ASS1: variants seen among roughly 807,000 people sequenced by gnomAD.
ASS1 encodes argininosuccinate synthase 1, also known as argininosuccinate synthase.
A neutral mutation model predicts 60.5 loss-of-function variants in ASS1; 58 were observed. That is an observed-to-expected ratio of 0.96 (90% CI 0.78 to 1.19). The LOEUF (loss-of-function observed/expected upper bound fraction) is 1.19. Among genes scored for constraint, ASS1 ranks in the 50% most tolerant of loss-of-function variants. ASS1 has a pLI of 0.00. For synonymous variants in ASS1, 200 were observed against 206.9 expected (o/e 0.97, Z 0.29); for missense variants, 454 against 547.3 (o/e 0.83, Z 1.70).
rs1034552658 is a variant in ASS1 at position 130,494,452 on chromosome 9, A to G, written c.971-415A>G. Among the ~76,000 whole-genome samples the G allele has an allele frequency of 6.6e-6, 1 of 152,234 alleles. No homozygotes were observed. The highest frequency in any genetic ancestry group is 1.5e-5 in the Non-Finnish European group (1 of 68,034). On this transcript the variant is annotated intron_variant, in intron 12 of 14. Coordinates refer to ENST00000352480, the MANE Select transcript of ASS1 (RefSeq NM_054012.4). The surrounding 1 kb of genome is among the most constrained non-coding windows in gnomAD (Gnocchi z 4.3). ...ACACCCATATCACCAAGCCCCAGGCAGCATGTGCCTCTGAGTCCTGTCTGA... is the reference window on the plus strand; with the variant it reads ...ACACCCATATCACCAAGCCCCAGGCGGCATGTGCCTCTGAGTCCTGTCTGA...
At chr9:130,446,866 CAG>C (rs746751090) in intron 1 of ASS1, among the ~76,000 whole-genome samples, 2 of 152,204 alleles carry the variant, frequency 1.3e-5, no homozygotes, top group Non-Finnish European at 1.5e-5. Context: ...CGCTGGAATT[CAG>C]AGTCTAAGGC....
chr9:130,482,326 G>C (rs1056167613), intron 11 of ASS1, among the ~76,000 whole-genome samples: 1 of 151,430 alleles, frequency 6.6e-6, no homozygotes, highest in Non-Finnish European at 1.5e-5. Flanking sequence ...TCAGTGTGGC[G>C]GGGGGTGGGG....
chr9:130,474,596 C>A (rs938495353), intron 8 of ASS1, among the ~76,000 whole-genome samples: 3 of 152,216 alleles, frequency 2.0e-5, no homozygotes, highest in Non-Finnish European at 4.4e-5. Context: ...CCCCAAGATC[C>A]AGTCCAGTTC....
At chr9:130,445,609 G>T (rs1226222548) in intron 1 of ASS1, among the ~76,000 whole-genome samples, 7 of 152,216 alleles carry the variant, frequency 4.6e-5, no homozygotes, top group Admixed American at 1.3e-4. Context: ...TCGCGGCGGG[G>T]TTTCCTGCTG....
rs897057016 is a variant in ASS1 at position 130,478,467 on chromosome 9, C to T, written c.689-1249C>T. On this transcript the variant is annotated intron_variant, in intron 9 of 14. Coordinates refer to ENST00000352480, the MANE Select transcript of ASS1 (RefSeq NM_054012.4). The surrounding 1 kb of genome is among the most constrained non-coding windows in gnomAD (Gnocchi z 4.7). ...TCCGCAGGCTGAGCTGGAGAAGAAA[C>T]GTGACCTATTGTCATGATTTGGGGA... is the stretch of plus-strand genomic sequence containing the variant. 2.0e-5 allele frequency among the ~76,000 whole-genome samples: 3 copies of T among 152,294 alleles called. No homozygotes were observed. Among genetic ancestry groups the T allele is most frequent in the Middle Eastern group, 3.4e-3 (1 of 294 alleles).
At chr9:130,471,463 G>T in intron 7 of ASS1, 22 bp from the exon 8 acceptor site, 1 of 1,614,010 alleles carries the variant, frequency 6.2e-7, no homozygotes, top group Non-Finnish European at 8.5e-7. Context: ...AGCTGACCCT[G>T]TCTTTCCTTT....
intron 3 of ASS1, 104 bp downstream of exon 3, chr9:130,454,477 T>C (rs1378985052): frequency 7.9e-5 from 98 of 1,237,670 alleles, no homozygotes; most frequent in Non-Finnish European, 1.0e-4. Flanking sequence ...CAGTGTGTCT[T>C]CTTGCTTCTA....
intron 11 of ASS1, among the ~76,000 whole-genome samples, chr9:130,484,964 T>C (rs1056619477): frequency 6.6e-6 from 1 of 152,212 alleles, no homozygotes; most frequent in Non-Finnish European, 1.5e-5. Flanking sequence ...CCCTTGCCCG[T>C]GAGCCCTCCG....
rs186908051 is a variant in ASS1 at position 130,452,846 on chromosome 9, T to A, written c.105+513T>A. On this transcript the variant is annotated intron_variant, in intron 2 of 14. Transcript: ENST00000352480. ...CCTCATCCAGGGCCCATAGGAGTCA[T>A]CCCTCTCAAACTAGCTCCTCTTCGA... Among the ~76,000 whole-genome samples, 414 of 152,330 alleles carry A rather than the reference T, an allele frequency of 2.7e-3. 2 individuals carry two copies. Among genetic ancestry groups the A allele is most frequent in the South Asian group, 7.2e-3 (35 of 4,830 alleles).
At chr9:130,471,563 A>G in intron 8 of ASS1, 48 bp downstream of exon 8, 6 of 1,576,948 alleles carry the variant, frequency 3.8e-6, no homozygotes, top group Non-Finnish European at 5.2e-6. Flanking sequence ...CTTTGGTGGT[A>G]GCAGCTCCAT....
intron 11 of ASS1, among the ~76,000 whole-genome samples, chr9:130,480,849 G>A (rs552700623): frequency 5.5e-4 from 84 of 152,348 alleles, no homozygotes; most frequent in Admixed American, 1.5e-3. Context: ...CAGGCAGGGC[G>A]AAAATCCTGC....
intron 8 of ASS1, among the ~76,000 whole-genome samples, chr9:130,474,285 G>A (rs866777507): frequency 6.6e-5 from 10 of 152,104 alleles, no homozygotes; most frequent in Admixed American, 1.3e-4. Flanking sequence ...GTGCCTGCCC[G>A]ACAGCTGCCT....
intron 3 of ASS1, among the ~76,000 whole-genome samples, chr9:130,455,088 A>G (rs1845417995): frequency 1.4e-5 from 2 of 148,096 alleles, no homozygotes; most frequent in African/African-American, 5.0e-5. Flanking sequence ...TCATCCATTC[A>G]TCCAGCCATC....
chr9:130,458,073 T>C (rs1845489621), intron 3 of ASS1, among the ~76,000 whole-genome samples: 1 of 151,256 alleles, frequency 6.6e-6, no homozygotes, highest in Admixed American at 6.6e-5. Flanking sequence ...GCAGGGGAGT[T>C]GCTTGAACCT....
In ASS1 at chr9:130,459,643, C is replaced by G. The variant is rs1047802003; in HGVS notation, c.363+1054C>G. On this transcript the variant is annotated intron_variant, in intron 4 of 14. Coordinates refer to ENST00000352480, the MANE Select transcript of ASS1 (RefSeq NM_054012.4). The surrounding 1 kb of genome is among the most constrained non-coding windows in gnomAD (Gnocchi z 4.6). ...AGAGACGGGGTTTCGCCATGTTGGG[C>G]AGGCTGGTCTTGAACTCCTGACCTC... is the stretch of plus-strand genomic sequence containing the variant. 6.6e-6 allele frequency among the ~76,000 whole-genome samples: 1 copy of G among 152,204 alleles called. No homozygotes were observed. Among genetic ancestry groups the G allele is most frequent in the Non-Finnish European group, 1.5e-5 (1 of 68,046 alleles).
chr9:130,465,045 TATATATA>T (rs1267208858), intron 5 of ASS1, among the ~76,000 whole-genome samples: 6 of 102,374 alleles, frequency 5.9e-5, no homozygotes, highest in African/African-American at 2.0e-4. Context: ...TATATATATA[TATATATA>T]TATATTTTTT....
chr9:130,467,552 G>T (rs1044592614), intron 6 of ASS1, among the ~76,000 whole-genome samples: 1 of 152,098 alleles, frequency 6.6e-6, no homozygotes, highest in Non-Finnish European at 1.5e-5. Context: ...TAGGGGAGGC[G>T]GCAGGGACGC....
At position 130,476,834 on chromosome 9, in the gene ASS1, G is replaced by GT. The variant is rs756886923; in HGVS notation, c.598-36dup. 1.9e-6 allele frequency: 3 copies of GT among 1,572,330 alleles called. No individual in the cohort carries two copies. The Admixed American group carries it at 5.0e-5, about 26-fold the overall frequency. On this transcript the variant is annotated intron_variant, in intron 8 of 14. Coordinates refer to ENST00000352480, the MANE Select transcript of ASS1 (RefSeq NM_054012.4). The surrounding 1 kb of genome is among the most constrained non-coding windows in gnomAD (Gnocchi z 4.9). ...TGGGCTGTAGGGTGTCCAGGGACTG[G>GT]TATGTCATCTGCCCACCACTTTCTG... is the stretch of plus-strand genomic sequence containing the variant.
chr9:130,467,238 G>A (rs1442876720), intron 6 of ASS1, among the ~76,000 whole-genome samples: 1 of 152,188 alleles, frequency 6.6e-6, no homozygotes, highest in African/African-American at 2.4e-5. Flanking sequence ...ATTGCCCCTA[G>A]CGCTTTCCCC....
Sources: allele counts gnomAD v4.1 joint callset (sites outside exome capture counted in the v4.1 genomes callset), GRCh38; gene constraint gnomAD v4.1.1; non-coding constraint Gnocchi (gnomAD v3.1); transcripts MANE v1.5; gene names NCBI Gene and HGNC (gene_info 2026-07-23, HGNC 2026-07-21).